Variants in IQCJ observed in about 807,000 individuals in gnomAD.
IQCJ encodes the protein IQ domain-containing protein J.
A neutral mutation model predicts 11.0 loss-of-function variants in IQCJ; 9 were observed. The observed-to-expected ratio is 0.82, with a 90% CI of 0.49 to 1.43. The LOEUF (loss-of-function observed/expected upper bound fraction) is 1.43. Among genes scored for constraint, IQCJ ranks in the 40% most tolerant of loss-of-function variants. The pLI, the probability that IQCJ is intolerant of heterozygous loss-of-function variation, is 0.00. For synonymous variants in IQCJ, 55 were observed against 51.3 expected (o/e 1.07, Z -0.31); for missense variants, 146 against 133.2 (o/e 1.10, Z -0.47).
At chr3:159,137,655 C>T (rs1428531584) in intron 1 of IQCJ, among the ~76,000 whole-genome samples, 1 of 152,180 alleles carries the variant, frequency 6.6e-6, no homozygotes, top group African/African-American at 2.4e-5. Flanking sequence ...ATTTAAGTAT[C>T]ATGACCATAT....
intron 1 of IQCJ, among the ~76,000 whole-genome samples, chr3:159,107,763 A>G (rs941252509): frequency 3.9e-5 from 6 of 152,290 alleles, no homozygotes; most frequent in Admixed American, 3.9e-4. Context: ...GGGTTAGCAC[A>G]TTACCAAAAA....
At chr3:159,220,806 TG>T (rs991311037) in intron 1 of IQCJ, among the ~76,000 whole-genome samples, 1 of 152,180 alleles carries the variant, frequency 6.6e-6, no homozygotes, top group Non-Finnish European at 1.5e-5. Context: ...CCACTAACTA[TG>T]GGCTTGTTAT....
At chr3:159,193,726 C>T (rs1242156256) in intron 1 of IQCJ, among the ~76,000 whole-genome samples, 3 of 152,122 alleles carry the variant, frequency 2.0e-5, no homozygotes, top group South Asian at 2.1e-4. Flanking sequence ...AACTTGCCAC[C>T]AGTTGGATAT....
At chr3:159,186,001 A>G (rs757932679) in intron 1 of IQCJ, among the ~76,000 whole-genome samples, 2 of 152,230 alleles carry the variant, frequency 1.3e-5, no homozygotes, top group African/African-American at 2.4e-5. Flanking sequence ...AGAGTATTAC[A>G]GAATTTGTGG....
At chr3:159,171,781 A>G (rs938862418) in intron 1 of IQCJ, among the ~76,000 whole-genome samples, 6 of 152,142 alleles carry the variant, frequency 3.9e-5, no homozygotes, top group Admixed American at 3.3e-4. Flanking sequence ...GTGAATGAGA[A>G]TCTCCTGGAG....
At chr3:159,262,299 A>G (rs929186730) in intron 3 of IQCJ, among the ~76,000 whole-genome samples, 10 of 152,114 alleles carry the variant, frequency 6.6e-5, no homozygotes, top group Admixed American at 4.6e-4. Context: ...TATTAAGTTG[A>G]CTCTTTTAGG....
chr3:159,158,055 A>G (rs1721632833), intron 1 of IQCJ, among the ~76,000 whole-genome samples: 1 of 152,236 alleles, frequency 6.6e-6, no homozygotes, highest in South Asian at 2.1e-4. Context: ...AATTTTCAGA[A>G]GTAGAATTAC....
intron 1 of IQCJ, among the ~76,000 whole-genome samples, chr3:159,072,192 T>G (rs1445276640): frequency 3.3e-5 from 5 of 152,136 alleles, no homozygotes; most frequent in Non-Finnish European, 5.9e-5. Context: ...TTTTGTTTTT[T>G]GTACTACTTA....
At chr3:159,194,208 G>T (rs1040604908) in intron 1 of IQCJ, among the ~76,000 whole-genome samples, 5 of 152,188 alleles carry the variant, frequency 3.3e-5, no homozygotes, top group African/African-American at 1.2e-4. Context: ...TGAAAATTGT[G>T]TGAGAGATTT....
At chr3:159,184,806 A>C (rs1041565879) in intron 1 of IQCJ, among the ~76,000 whole-genome samples, 2 of 152,184 alleles carry the variant, frequency 1.3e-5, no homozygotes, top group African/African-American at 4.8e-5. Flanking sequence ...TCTAGCTAGT[A>C]TAATTAGAAG....
At chr3:159,206,171 C>T (rs969916766) in intron 1 of IQCJ, among the ~76,000 whole-genome samples, 1 of 152,136 alleles carries the variant, frequency 6.6e-6, no homozygotes, top group African/African-American at 2.4e-5. Flanking sequence ...CAGTTTCTCC[C>T]TTTTCAATGG....
intron 1 of IQCJ, among the ~76,000 whole-genome samples, chr3:159,101,231 G>A (rs1227439003): frequency 4.1e-5 from 6 of 147,890 alleles, no homozygotes; most frequent in East Asian, 2.1e-4. Flanking sequence ...TTCGGCTCGC[G>A]CACGGTGCGC....
intron 1 of IQCJ, among the ~76,000 whole-genome samples, chr3:159,216,748 T>A (rs904580409): frequency 1.3e-5 from 2 of 152,116 alleles, no homozygotes; most frequent in Non-Finnish European, 2.9e-5. Context: ...CCATTAATGG[T>A]GTGTTCAGTT....
intron 1 of IQCJ, among the ~76,000 whole-genome samples, chr3:159,218,893 C>T (rs570743326): frequency 1.3e-5 from 2 of 152,142 alleles, no homozygotes; most frequent in Admixed American, 1.3e-4. Context: ...TCCAGAGGCT[C>T]TAGGAGAGAA....
chr3:159,197,750 CT>C (rs1724072290), intron 1 of IQCJ, among the ~76,000 whole-genome samples: 1 of 151,694 alleles, frequency 6.6e-6, no homozygotes, highest in Non-Finnish European at 1.5e-5. Context: ...AGTTGTAGCC[CT>C]GTGCAAAGGG....
intron 1 of IQCJ, among the ~76,000 whole-genome samples, chr3:159,144,313 A>G (rs568978810): frequency 6.3e-4 from 96 of 152,326 alleles, no homozygotes; most frequent in African/African-American, 2.2e-3. Flanking sequence ...TAGTTGTCTA[A>G]AAAGTCTTCA....
intron 1 of IQCJ, among the ~76,000 whole-genome samples, chr3:159,092,941 G>A (rs1334589482): frequency 3.3e-5 from 5 of 151,548 alleles, no homozygotes; most frequent in Non-Finnish European, 5.9e-5. Context: ...GTGGACTTAT[G>A]AGCTGATAAA....
intron 3 of IQCJ, among the ~76,000 whole-genome samples, chr3:159,260,871 C>T (rs1728162589): frequency 1.3e-5 from 2 of 152,026 alleles, no homozygotes; most frequent in Admixed American, 1.3e-4. Context: ...TGAAGAGCCC[C>T]TCATCAGGAT....
At chr3:159,136,038 G>A (rs1158514311) in intron 1 of IQCJ, among the ~76,000 whole-genome samples, 1 of 152,180 alleles carries the variant, frequency 6.6e-6, no homozygotes, top group African/African-American at 2.4e-5. Flanking sequence ...ATTGCACAGA[G>A]TGCTTAAGTA....
Sources: allele counts gnomAD v4.1 joint callset (sites outside exome capture counted in the v4.1 genomes callset), GRCh38; gene constraint gnomAD v4.1.1; transcripts MANE v1.5; gene names NCBI Gene and HGNC (gene_info 2026-07-23, HGNC 2026-07-21).